ACSL3: variants seen among roughly 807,000 people sequenced by gnomAD.
The protein encoded by ACSL3 is acyl-CoA synthetase long chain family member 3.
ACSL3 carries 34 observed loss-of-function variants against 84.7 expected under a neutral mutation model. That is an observed-to-expected ratio of 0.40 (90% CI 0.31 to 0.53). The LOEUF (loss-of-function observed/expected upper bound fraction) is 0.53. Among genes scored for constraint, ACSL3 ranks in the 20% least tolerant of loss-of-function variants. ACSL3 has a pLI of 0.48. For missense variants in ACSL3, 680 were observed against 873.1 expected, an observed-to-expected ratio of 0.78 and a Z score of 2.79; for synonymous variants, 315 against 299.4, an observed-to-expected ratio of 1.05 and a Z score of -0.54.
Position 222,940,690 on chromosome 2 carries a change from G to A in ACSL3, c.2006-807G>A, listed in dbSNP as rs375841892. On this transcript the variant is annotated intron_variant, in intron 16 of 16. Transcript: ENST00000357430. Reference sequence around the variant, plus strand: ...GGTATTCAGTACAATAACGTGCTGTGCGGGTGTGTAGCCTAGGAGCCGTAG... The same window carrying A: ...GGTATTCAGTACAATAACGTGCTGTACGGGTGTGTAGCCTAGGAGCCGTAG... 5.9e-5 allele frequency among the ~76,000 whole-genome samples: 9 copies of A among 152,246 alleles called. No homozygotes were observed. The South Asian group carries it at 1.9e-3, about 32-fold the overall frequency.
At chr2:222,873,457 A>G (rs918642722) in intron 1 of ACSL3, among the ~76,000 whole-genome samples, 4 of 152,250 alleles carry the variant, frequency 2.6e-5, no homozygotes, top group Admixed American at 6.5e-5. Flanking sequence ...TACTGTTGCT[A>G]TATAAATTTG....
intron 1 of ACSL3, among the ~76,000 whole-genome samples, chr2:222,878,251 A>G (rs1382434533): frequency 1.3e-5 from 2 of 152,256 alleles, no homozygotes; most frequent in Non-Finnish European, 2.9e-5. Flanking sequence ...TGACCAGTAT[A>G]TACTTATTAA....
chr2:222,887,173 A>G (rs1409406873), intron 1 of ACSL3, among the ~76,000 whole-genome samples: 1 of 152,182 alleles, frequency 6.6e-6, no homozygotes, highest in East Asian at 1.9e-4. Flanking sequence ...TTGGAATCAT[A>G]CAGTACATAG....
intron 2 of ACSL3, among the ~76,000 whole-genome samples, chr2:222,892,701 T>C (rs1376642344): frequency 6.6e-6 from 1 of 152,168 alleles, no homozygotes; most frequent in East Asian, 1.9e-4. Flanking sequence ...CTATAGAATT[T>C]ATTAAGAGAG....
intron 1 of ACSL3, among the ~76,000 whole-genome samples, chr2:222,884,234 G>A (rs1327571342): frequency 1.3e-5 from 2 of 152,124 alleles, no homozygotes; most frequent in African/African-American, 2.4e-5. Flanking sequence ...AAACAGATCC[G>A]AGTATGTCAT....
intron 1 of ACSL3, 117 bp downstream of exon 1, chr2:222,861,375 G>A (rs1330003500): frequency 6.6e-6 from 1 of 151,716 alleles, no homozygotes; most frequent in Admixed American, 6.6e-5. Context: ...CCTGTCGTCG[G>A]CGCCGCACCT....
chr2:222,920,816 A>T, intron 7 of ACSL3: 1 of 354,816 alleles, frequency 2.8e-6, no homozygotes, highest in Non-Finnish European at 5.7e-6. Context: ...CCTCTTGCTC[A>T]CTCTGTTCCA....
chr2:222,896,854 G>T (rs1331109471), intron 2 of ACSL3, among the ~76,000 whole-genome samples: 3 of 16,454 alleles, frequency 1.8e-4, no homozygotes, highest in Non-Finnish European at 1.8e-4. Context: ...CCTCCCGGAC[G>T]GGGCGGCTGG....
rs534466541 is a variant in ACSL3, at chr2:222,875,987, GTAGA to G, written c.-206-11838_-206-11835del. Among the ~76,000 whole-genome samples the G allele has an allele frequency of 1.5e-4, 23 of 152,302 alleles. No homozygotes were observed. The South Asian group carries it at 2.7e-3, about 18-fold the overall frequency. On this transcript the variant is annotated intron_variant, in intron 1 of 16. Transcript: ENST00000357430. ...TCATTAGAGTGTTTACCTCGTTGAA[GTAGA>G]TAGAAAGTAAAACAGTAAACATACA...
At chr2:222,875,936 C>T (rs1476163879) in intron 1 of ACSL3, among the ~76,000 whole-genome samples, 2 of 152,058 alleles carry the variant, frequency 1.3e-5, no homozygotes, top group African/African-American at 4.8e-5. Context: ...TTGTAGGTTT[C>T]TTGGGATTCA....
intron 1 of ACSL3, among the ~76,000 whole-genome samples, chr2:222,877,190 T>G (rs1404009578): frequency 6.6e-6 from 1 of 151,994 alleles, no homozygotes; most frequent in African/African-American, 2.4e-5. Context: ...GGGATTGGAG[T>G]TCTGGATGAG....
At position 222,924,519 on chromosome 2, in the gene ACSL3, C is replaced by A. The variant is rs145813997; in HGVS notation, c.1216C>A (p.Arg406Ser). The A allele has an allele frequency of 1.2e-6, 2 of 1,610,394 alleles. No individual in the cohort carries two copies. The highest frequency in any genetic ancestry group is 8.5e-7 in the Non-Finnish European group (1 of 1,178,282). ...NKVSEMSSFQRNLFILAYNYK... is the reference protein window; with the variant it reads ...NKVSEMSSFQSNLFILAYNYK... ...AGTCAGTGAAATGAGTAGTTTTCAA[C>A]GTAATCTGTTTATTCTGGCCTATAA... The change falls in exon 11 of 17, where the codon CGT becomes AGT. Residue 406 changes from arginine to serine, a missense_variant. This residue lies in a region of ACSL3 where 347 missense variants were observed against 525.7 expected (regional missense o/e 0.66). Transcript: ENST00000357430.
intron 1 of ACSL3, chr2:222,861,589 CG>C (rs1695010490): frequency 1.3e-5 from 2 of 152,194 alleles, no homozygotes; most frequent in Admixed American, 6.5e-5. Context: ...CGCTGTGGGG[CG>C]GGGTGGGGAG....
chr2:222,902,175 C>A (rs1696170562), intron 3 of ACSL3, among the ~76,000 whole-genome samples: 1 of 152,052 alleles, frequency 6.6e-6, no homozygotes, highest in Non-Finnish European at 1.5e-5. Flanking sequence ...AACATAATTG[C>A]AAATTTTTAT....
intron 2 of ACSL3, among the ~76,000 whole-genome samples, chr2:222,888,691 A>G (rs1695776592): frequency 6.6e-6 from 1 of 152,228 alleles, no homozygotes; most frequent in Admixed American, 6.5e-5. Context: ...GGAGCATCTA[A>G]GTAAACAGGA....
intron 16 of ACSL3, among the ~76,000 whole-genome samples, chr2:222,936,838 C>T (rs1011241245): frequency 4.0e-5 from 6 of 151,728 alleles, no homozygotes; most frequent in South Asian, 2.1e-4. Context: ...TCTTACATGG[C>T]GGCAGGCGAG....
Position 222,924,568 on chromosome 2 carries a change from A to G in ACSL3, c.1265A>G (p.Lys422Arg). The G allele has an allele frequency of 6.2e-7, 1 of 1,610,012 alleles. No homozygotes were observed. The highest frequency in any genetic ancestry group is 8.5e-7 in the Non-Finnish European group (1 of 1,178,418). The change falls in exon 11 of 17, where the codon AAA becomes AGA. Residue 422 changes from lysine (K) to arginine (R), a missense_variant. By Grantham distance (26) the Lys-to-Arg change is conservative (BLOSUM62 2). Coordinates refer to ENST00000357430, the MANE Select transcript of ACSL3 (RefSeq NM_004457.5). ...AATTACAAAATGGAACAGATTTCAA[A>G]AGGACGTAATACTCCACTGTGCGAC... The part of the protein sequence containing the change: ...AYNYKMEQIS[K>R]GRNTPLCDSF...
In ACSL3 at chr2:222,928,420, CAG is replaced by C. The variant is rs1189332025; in HGVS notation, c.1466-441_1466-440del. Reference sequence around the variant, plus strand: ...CCATTGTTTTCATCATCCTTTAAGACAGGGATTTCAAACTCAAGAACCAGGCA... The same window carrying C: ...CCATTGTTTTCATCATCCTTTAAGACGGATTTCAAACTCAAGAACCAGGCA... On this transcript the variant is annotated intron_variant, in intron 12 of 16. Transcript: ENST00000357430. 2.6e-5 allele frequency among the ~76,000 whole-genome samples: 4 copies of C among 152,210 alleles called. No individual in the cohort carries two copies. The East Asian group carries it at 5.8e-4, about 22-fold the overall frequency.
intron 8 of ACSL3, 118 bp from the exon 9 acceptor site, chr2:222,922,590 A>T: frequency 8.0e-7 from 1 of 1,249,714 alleles, no homozygotes; most frequent in Non-Finnish European, 1.1e-6. Flanking sequence ...TACACACTTG[A>T]CCAGCAAATT....
Sources: allele counts gnomAD v4.1 joint callset (sites outside exome capture counted in the v4.1 genomes callset), GRCh38; gene constraint gnomAD v4.1.1; regional missense constraint gnomAD v4.1.1; transcripts MANE v1.5; gene names NCBI Gene and HGNC (gene_info 2026-07-23, HGNC 2026-07-21).